The following PACS1 variants were observed in gnomAD, a reference collection of about 807,000 sequenced individuals.
PACS1 encodes the protein PACS-1.
Under a neutral mutation model 115.0 loss-of-function variants are expected in PACS1, and 24 were observed. The observed-to-expected ratio is 0.21, with a 90% CI of 0.15 to 0.29. The LOEUF (loss-of-function observed/expected upper bound fraction) is 0.29. PACS1 is among the 10% of genes least tolerant of loss of function. PACS1 has a pLI of 1.00. For synonymous variants in PACS1, 453 were observed against 504.5 expected (o/e 0.90, Z 1.37); for missense variants, 838 against 1,251.2 (o/e 0.67, Z 4.98).
At position 66,227,522 on chromosome 11, in the gene PACS1, G is replaced by GA; in HGVS notation, c.1318dup (p.Ile440AsnfsTer2). ...TTTGCAGATGGAATTGGCTGCTCTA[G>GA]AAAAAATTAAATCTACTTGGATTAA... is the stretch of plus-strand genomic sequence containing the variant. On this transcript the variant is annotated frameshift_variant, in exon 11 of 24. Coordinates refer to ENST00000320580, the MANE Select transcript of PACS1 (RefSeq NM_018026.4). LOFTEE classifies it high-confidence loss of function. The GA allele has an allele frequency of 6.2e-7, 1 of 1,608,748 alleles. No homozygotes were observed. Among genetic ancestry groups the GA allele is most frequent in the Non-Finnish European group, 8.5e-7 (1 of 1,175,978 alleles).
intron 1 of PACS1, among the ~76,000 whole-genome samples, chr11:66,087,149 A>G (rs1000208168): frequency 2.0e-5 from 3 of 151,852 alleles, no homozygotes; most frequent in African/African-American, 7.3e-5. Flanking sequence ...CACCAACGAT[A>G]GCTAGTTTCC....
rs551755417 is a variant in PACS1, at chr11:66,082,223, T to TTTTG, written c.356+11397_356+11400dup. ...ACAACTGCTTTCTTTAGTTTTTTGG[T>TTTTG]TTTGTTTGTTTGTTTGTTTTTGAGA... On this transcript the variant is annotated intron_variant, in intron 1 of 23. Coordinates refer to ENST00000320580, the MANE Select transcript of PACS1 (RefSeq NM_018026.4). Among the ~76,000 whole-genome samples the TTTTG allele has an allele frequency of 5.3e-5, 8 of 152,092 alleles. No individual in the cohort carries two copies. The South Asian group carries it at 1.0e-3, about 20-fold the overall frequency.
chr11:66,215,914 TAA>T (rs1491582949), intron 4 of PACS1, among the ~76,000 whole-genome samples: 1 of 137,218 alleles, frequency 7.3e-6, no homozygotes, highest in African/African-American at 2.7e-5. Flanking sequence ...ATAATAATAA[TAA>T]TAATAATAAT....
At chr11:66,124,007 G>C (rs1363415437) in intron 1 of PACS1, among the ~76,000 whole-genome samples, 1 of 152,194 alleles carries the variant, frequency 6.6e-6, no homozygotes, top group Non-Finnish European at 1.5e-5. Context: ...TTTACTTGCT[G>C]TCTCGCTATC....
At chr11:66,138,271 T>G (rs1379915887) in intron 1 of PACS1, among the ~76,000 whole-genome samples, 1 of 151,898 alleles carries the variant, frequency 6.6e-6, no homozygotes, top group East Asian at 1.9e-4. Context: ...AAAAAAAATT[T>G]TTTTACAGAG....
intron 7 of PACS1, 87 bp downstream of exon 7, chr11:66,216,862 C>CCTT: frequency 1.2e-6 from 1 of 849,840 alleles, no homozygotes. Context: ...CTAGTGGAGA[C>CCTT]TTCTTAAAAT....
intron 1 of PACS1, among the ~76,000 whole-genome samples, chr11:66,120,867 T>C (rs1191727965): frequency 6.6e-6 from 1 of 152,180 alleles, no homozygotes; most frequent in Non-Finnish European, 1.5e-5. Flanking sequence ...AACTTACTTA[T>C]CCTTCAGAGC....
At chr11:66,114,412 C>T (rs1463100657) in intron 1 of PACS1, among the ~76,000 whole-genome samples, 4 of 91,454 alleles carry the variant, frequency 4.4e-5, no homozygotes, top group African/African-American at 1.0e-4. Context: ...AGCAAGACTC[C>T]GCCTCAAAAA....
chr11:66,106,221 G>C (rs2134537656), intron 1 of PACS1, among the ~76,000 whole-genome samples: 1 of 152,228 alleles, frequency 6.6e-6, no homozygotes, highest in East Asian at 1.9e-4. Context: ...CATGAGCCCA[G>C]GAGTTCAAGA....
chr11:66,103,388 G>A (rs1857964482), intron 1 of PACS1, among the ~76,000 whole-genome samples: 1 of 151,968 alleles, frequency 6.6e-6, no homozygotes, highest in Non-Finnish European at 1.5e-5. Flanking sequence ...CTCACTGCAA[G>A]ACAGAGCAGA....
chr11:66,074,606 T>TG (rs1857362825), intron 1 of PACS1, among the ~76,000 whole-genome samples: 2 of 152,214 alleles, frequency 1.3e-5, no homozygotes, highest in African/African-American at 4.8e-5. Context: ...GCAAACCATA[T>TG]CCAAAGCCCA....
chr11:66,222,272 A>G (rs575341106), intron 10 of PACS1, among the ~76,000 whole-genome samples: 51 of 152,280 alleles, frequency 3.3e-4, no homozygotes, highest in African/African-American at 1.1e-3. Context: ...AGGAGGCCCT[A>G]GTAGGCTTTA....
At chr11:66,226,555 G>C (rs912858152) in intron 10 of PACS1, among the ~76,000 whole-genome samples, 1 of 152,150 alleles carries the variant, frequency 6.6e-6, no homozygotes, top group Non-Finnish European at 1.5e-5. Context: ...AATGTCAATC[G>C]TGCCAAGGTG....
chr11:66,121,279 C>T (rs1212595149), intron 1 of PACS1, among the ~76,000 whole-genome samples: 3 of 152,166 alleles, frequency 2.0e-5, no homozygotes, highest in Non-Finnish European at 2.9e-5. Context: ...TTGGCATGTG[C>T]TCTGACTGCC....
intron 1 of PACS1, among the ~76,000 whole-genome samples, chr11:66,134,293 G>T (rs1413121710): frequency 9.6e-6 from 1 of 104,184 alleles, no homozygotes; most frequent in South Asian, 3.3e-4. Context: ...ACGGAGTCTC[G>T]CTCTGTCCCC....
chr11:66,200,478 C>CA (rs779225242), intron 2 of PACS1, among the ~76,000 whole-genome samples: 6,108 of 138,138 alleles, frequency 0.044, 194 homozygotes, highest in Non-Finnish European at 0.055. Flanking sequence ...TGGAAACAAA[C>CA]AAAAAAAAAA....
intron 1 of PACS1, among the ~76,000 whole-genome samples, chr11:66,173,188 C>T (rs921225987): frequency 2.6e-5 from 4 of 151,782 alleles, no homozygotes; most frequent in Admixed American, 2.6e-4. Flanking sequence ...CCACTTCACC[C>T]TCCCAAGGTG....
intron 1 of PACS1, among the ~76,000 whole-genome samples, chr11:66,108,863 T>G (rs1427913273): frequency 6.6e-6 from 1 of 152,034 alleles, no homozygotes; most frequent in African/African-American, 2.4e-5. Flanking sequence ...CCTAGCTACT[T>G]GGGGCTGAGG....
chr11:66,132,659 T>G (rs745698689), intron 1 of PACS1, among the ~76,000 whole-genome samples: 15 of 152,160 alleles, frequency 9.9e-5, no homozygotes, highest in Non-Finnish European at 1.9e-4. Context: ...TTTTTCCCCC[T>G]AAATATACAT....
Sources: gnomAD v4.1 joint callset for allele counts (sites outside exome capture counted in the v4.1 genomes callset) on GRCh38, gnomAD v4.1.1 for gene constraint, MANE v1.5 for transcripts, NCBI Gene and HGNC (gene_info 2026-07-23, HGNC 2026-07-21) for gene names.